The following SIPA1L3 variants were observed in gnomAD, a reference collection of about 807,000 sequenced individuals.
SIPA1L3 encodes signal-induced proliferation-associated 1-like protein 3.
In SIPA1L3, 59 loss-of-function variants were observed where a neutral mutation model predicts 150.1. That is an observed-to-expected ratio of 0.39 (90% CI 0.32 to 0.49). The LOEUF is 0.49. Ranked by LOEUF, SIPA1L3 falls within the 20% of genes least tolerant of loss-of-function variation. SIPA1L3 has a pLI of 0.86. For missense variants in SIPA1L3, 2,211 were observed against 2,489.5 expected (o/e 0.89, Z 2.38); for synonymous variants, 1,070 against 1,077.6 (o/e 0.99, Z 0.14).
intron 1 of SIPA1L3, among the ~76,000 whole-genome samples, chr19:38,028,808 T>C (rs1344337207): frequency 2.6e-5 from 4 of 151,572 alleles, no homozygotes; most frequent in Non-Finnish European, 5.9e-5. Context: ...TTCTCCTGCC[T>C]CAGCCTCCCA....
chr19:37,983,017 T>C (rs1967239988), intron 1 of SIPA1L3, among the ~76,000 whole-genome samples: 1 of 152,208 alleles, frequency 6.6e-6, no homozygotes, highest in Non-Finnish European at 1.5e-5. Context: ...AGCCAGGCCA[T>C]GTTGAAATTG....
chr19:37,944,748 C>T (rs974873381), intron 1 of SIPA1L3, among the ~76,000 whole-genome samples: 5 of 151,950 alleles, frequency 3.3e-5, no homozygotes, highest in African/African-American at 7.3e-5. Context: ...GTCAGGAGTT[C>T]GAGACCAGCC....
At chr19:38,083,137 C>T (rs745633274) in intron 3 of SIPA1L3, 38 bp downstream of exon 3, 3 of 1,557,380 alleles carry the variant, frequency 1.9e-6, no homozygotes, top group African/African-American at 1.3e-5. Flanking sequence ...TTGGGTGGGC[C>T]GAGGCTTGCC....
At chr19:38,077,458 A>C (rs1002020031) in intron 2 of SIPA1L3, among the ~76,000 whole-genome samples, 1 of 152,010 alleles carries the variant, frequency 6.6e-6, no homozygotes, top group African/African-American at 2.4e-5. Context: ...CTCTAAAAAA[A>C]ATAATAATAA....
intron 1 of SIPA1L3, among the ~76,000 whole-genome samples, chr19:38,017,974 A>T (rs533255240): frequency 6.6e-6 from 1 of 152,068 alleles, no homozygotes; most frequent in Non-Finnish European, 1.5e-5. Context: ...CGCCTCGAGC[A>T]CCAGCTATGT....
At chr19:38,123,217 T>G (rs906313554) in intron 9 of SIPA1L3, among the ~76,000 whole-genome samples, 2 of 151,954 alleles carry the variant, frequency 1.3e-5, no homozygotes, top group Admixed American at 6.6e-5. Context: ...AGAGATACCT[T>G]GACTTGCCCA....
chr19:37,964,300 G>A (rs1281616027), intron 1 of SIPA1L3: 1 of 152,132 alleles, frequency 6.6e-6, no homozygotes, highest in Admixed American at 6.6e-5. Flanking sequence ...GCTAAGGCAG[G>A]AGGGTTGCTT....
At chr19:38,048,944 G>A (rs1298442665) in intron 2 of SIPA1L3, among the ~76,000 whole-genome samples, 1 of 152,132 alleles carries the variant, frequency 6.6e-6, no homozygotes, top group Non-Finnish European at 1.5e-5. Context: ...TTAGCTGGGT[G>A]TGGTAGTGCA....
At chr19:38,181,361 G>A (rs1253261425) in intron 15 of SIPA1L3, among the ~76,000 whole-genome samples, 1 of 152,214 alleles carries the variant, frequency 6.6e-6, no homozygotes, top group Non-Finnish European at 1.5e-5. Context: ...AGCTGGGTGT[G>A]CTGGCACATG....
intron 8 of SIPA1L3, among the ~76,000 whole-genome samples, chr19:38,118,189 A>G (rs1160886450): frequency 3.9e-5 from 6 of 152,190 alleles, no homozygotes; most frequent in African/African-American, 1.4e-4. Flanking sequence ...TCAGTCAGCT[A>G]TTCCTACAAT....
chr19:38,039,859 C>G (rs1968873383), intron 2 of SIPA1L3, among the ~76,000 whole-genome samples: 1 of 152,106 alleles, frequency 6.6e-6, no homozygotes, highest in Non-Finnish European at 1.5e-5. Flanking sequence ...GTGGCTCACG[C>G]CTGTAATCCT....
intron 11 of SIPA1L3, among the ~76,000 whole-genome samples, 177 bp downstream of exon 11, chr19:38,141,612 C>T (rs1338248066): frequency 1.3e-5 from 2 of 152,068 alleles, no homozygotes; most frequent in Admixed American, 6.6e-5. Flanking sequence ...CAGCTTTCAC[C>T]GTTGGCCTCT....
intron 1 of SIPA1L3, among the ~76,000 whole-genome samples, chr19:37,950,354 G>A (rs567405146): frequency 2.6e-5 from 4 of 152,228 alleles, no homozygotes; most frequent in African/African-American, 9.6e-5. Flanking sequence ...CCTTCCTGAG[G>A]CCGGATGGTG....
In SIPA1L3 at chr19:38,015,721, T is replaced by TA. The variant is rs59452393; in HGVS notation, c.-378-13345dup. ...CCTGGGTGACAGAGCAAGATCCTGT[T>TA]AAAAAAAAAAAAAAAAAAAAAAAGA... On this transcript the variant is annotated intron_variant, in intron 1 of 21. Transcript: ENST00000222345. 3.8e-3 allele frequency among the ~76,000 whole-genome samples: 391 copies of TA among 102,156 alleles called. 6 individuals are homozygous for TA. Among genetic ancestry groups the TA allele is most frequent in the South Asian group, 0.012 (33 of 2,648 alleles). The allele number at this position is 102,156 out of a possible 152,430, so 67.0% of individuals were successfully genotyped here.
intron 15 of SIPA1L3, among the ~76,000 whole-genome samples, chr19:38,167,447 C>G (rs1394514804): frequency 1.3e-5 from 2 of 152,060 alleles, no homozygotes; most frequent in African/African-American, 4.8e-5. Context: ...ACACTGTGAT[C>G]CAAGGGTCTC....
chr19:38,178,603 G>A (rs1436862422), intron 15 of SIPA1L3, among the ~76,000 whole-genome samples: 1 of 152,134 alleles, frequency 6.6e-6, no homozygotes, highest in East Asian at 1.9e-4. Flanking sequence ...AGCCTCCCGA[G>A]TAGCTGGGAC....
At chr19:38,113,453 C>A (rs1970812504) in intron 8 of SIPA1L3, among the ~76,000 whole-genome samples, 1 of 152,008 alleles carries the variant, frequency 6.6e-6, no homozygotes, top group South Asian at 2.1e-4. Context: ...CATAGGGAGA[C>A]CCTATCTCTA....
chr19:38,156,453 G>T (rs1971951102), intron 13 of SIPA1L3, among the ~76,000 whole-genome samples: 1 of 150,550 alleles, frequency 6.6e-6, no homozygotes, highest in African/African-American at 2.5e-5. Context: ...ACTTCCTTGG[G>T]ACCTTGTTAT....
intron 4 of SIPA1L3, among the ~76,000 whole-genome samples, chr19:38,090,308 T>A: frequency 7.5e-6 from 1 of 132,840 alleles, no homozygotes; most frequent in Admixed American, 8.4e-5. Context: ...CCAGCCTAGG[T>A]GACAAATGCA....
Sources: gnomAD v4.1 joint callset for allele counts (sites outside exome capture counted in the v4.1 genomes callset) on GRCh38, gnomAD v4.1.1 for gene constraint, MANE v1.5 for transcripts, NCBI Gene and HGNC (gene_info 2026-07-23, HGNC 2026-07-21) for gene names.